Variants in EDIL3 observed in about 807,000 individuals in gnomAD.
The protein encoded by EDIL3 is EGF like and discoidin domains 3.
A neutral mutation model predicts 67.4 loss-of-function variants in EDIL3; 37 were observed. That is an observed-to-expected ratio of 0.55 (90% CI 0.42 to 0.72). EDIL3 has a LOEUF of 0.72. Among genes scored for constraint, EDIL3 ranks in the 30% least tolerant of loss-of-function variants. The probability of loss-of-function intolerance (pLI) is 0.00; values close to 1 mark genes in which losing one functional copy is unlikely to be tolerated. For missense variants in EDIL3, 527 were observed against 586.3 expected (o/e 0.90, Z 1.04); for synonymous variants, 195 against 196.3 (o/e 0.99, Z 0.05).
Position 84,151,821 on chromosome 5 carries a change from C to T in EDIL3, c.356-14467G>A, listed in dbSNP as rs117692937. ...TGAAGTACATTGATGTGTATGTTTT[C>T]TGTACTCCTATGATCTATTCAAGAG... is the stretch of plus-strand genomic sequence containing the variant. On this transcript the variant is annotated intron_variant, in intron 4 of 10. Transcript: ENST00000296591. Among the ~76,000 whole-genome samples the T allele has an allele frequency of 7.0e-3, 1,066 of 151,916 alleles. 17 individuals carry two copies. Among genetic ancestry groups the T allele is most frequent in the East Asian group, 0.037 (193 of 5,166 alleles).
chr5:84,327,259 T>G (rs1746781765), intron 1 of EDIL3, among the ~76,000 whole-genome samples: 3 of 152,010 alleles, frequency 2.0e-5, no homozygotes, highest in Non-Finnish European at 4.4e-5. Flanking sequence ...TTGACTCAAA[T>G]CTCACCATGC....
intron 2 of EDIL3, among the ~76,000 whole-genome samples, chr5:84,235,502 T>A (rs1354388831): frequency 6.6e-6 from 1 of 152,138 alleles, no homozygotes; most frequent in African/African-American, 2.4e-5. Context: ...GTAGTTAGCA[T>A]GTAAACATAT....
At chr5:84,112,045 A>T (rs914339649) in intron 5 of EDIL3, among the ~76,000 whole-genome samples, 1 of 152,144 alleles carries the variant, frequency 6.6e-6, no homozygotes, top group Non-Finnish European at 1.5e-5. Flanking sequence ...CAGTATCACT[A>T]GATCAAGATG....
At chr5:84,296,362 T>G (rs1049511006) in intron 1 of EDIL3, among the ~76,000 whole-genome samples, 8 of 152,184 alleles carry the variant, frequency 5.3e-5, no homozygotes, top group Non-Finnish European at 8.8e-5. Context: ...AAAGTTATAT[T>G]CTAGAATAAA....
At position 84,060,344 on chromosome 5, in the gene EDIL3, T is replaced by A. The variant is rs1561418610; in HGVS notation, c.1093A>T (p.Asn365Tyr). The A allele has an allele frequency of 6.2e-7, 1 of 1,613,890 alleles. No homozygotes were observed. Among genetic ancestry groups the A allele is most frequent in the Middle Eastern group, 1.7e-4 (1 of 6,046 alleles). ...TCATTGTGGCCAGAGGTCCAGGCATTCACTTTGCCTTGCTTGTCCAGCCGA... is the reference window on the plus strand; with the variant it reads ...TCATTGTGGCCAGAGGTCCAGGCATACACTTTGCCTTGCTTGTCCAGCCGA... ...KARLDKQGKV[N>Y]AWTSGHNDQS... The change falls in exon 9 of 11, where the codon AAT becomes TAT. Residue 365 changes from asparagine (N) to tyrosine (Y), a missense_variant. This residue lies in a region of EDIL3 where 494 missense variants were observed against 522.5 expected (regional missense o/e 0.95). Transcript: ENST00000296591.
intron 9 of EDIL3, among the ~76,000 whole-genome samples, chr5:84,051,295 C>T (rs1746332932): frequency 6.6e-6 from 1 of 152,184 alleles, no homozygotes; most frequent in Admixed American, 6.5e-5. Context: ...AGGACATCCA[C>T]ACCAAAACCC....
At chr5:84,089,147 C>T (rs1022358997) in intron 6 of EDIL3, among the ~76,000 whole-genome samples, 1 of 152,192 alleles carries the variant, frequency 6.6e-6, no homozygotes, top group Non-Finnish European at 1.5e-5. Flanking sequence ...GGATGTCACT[C>T]AACCTCCCAC....
intron 3 of EDIL3, chr5:84,181,070 A>T (rs1749004477): frequency 6.6e-6 from 1 of 152,226 alleles, no homozygotes; most frequent in African/African-American, 2.4e-5. Context: ...CAAAGCTTTT[A>T]TAGAGTATGA....
At chr5:84,285,356 A>G (rs889012999) in intron 1 of EDIL3, among the ~76,000 whole-genome samples, 1 of 152,220 alleles carries the variant, frequency 6.6e-6, no homozygotes, top group African/African-American at 2.4e-5. Context: ...TAGCCTTCAA[A>G]TGCTACTTTG....
chr5:83,940,721 G>A lies in EDIL3; in HGVS notation c.*2698C>T, dbSNP rs1249512491. 1 of 151,910 alleles carries A rather than the reference G, an allele frequency of 6.6e-6. No individual in the cohort carries two copies. Among genetic ancestry groups the A allele is most frequent in the African/African-American group, 2.4e-5 (1 of 41,420 alleles). The allele number at this position is 151,910 out of a possible 1,614,324, so 9.4% of individuals were successfully genotyped here. A position where few individuals can be genotyped will look rare whatever the true frequency, so the allele number is the denominator to read the frequency against. On this transcript the variant is annotated 3_prime_UTR_variant, in exon 11 of 11. Coordinates refer to ENST00000296591, the MANE Select transcript of EDIL3 (RefSeq NM_005711.5). Reference sequence around the variant, plus strand: ...CATTGGAATATTACACAGCTTGAAGGTTTGCAAAGGTTATTTGTGTCTTAG... The same window carrying A: ...CATTGGAATATTACACAGCTTGAAGATTTGCAAAGGTTATTTGTGTCTTAG...
At chr5:84,265,795 C>T (rs1745335884) in intron 1 of EDIL3, among the ~76,000 whole-genome samples, 1 of 152,162 alleles carries the variant, frequency 6.6e-6, no homozygotes, top group African/African-American at 2.4e-5. Flanking sequence ...GATTTAATGG[C>T]TATATGGCCA....
chr5:84,142,647 ATATC>A (rs1431708068), intron 4 of EDIL3, among the ~76,000 whole-genome samples: 1 of 152,010 alleles, frequency 6.6e-6, no homozygotes, highest in Non-Finnish European at 1.5e-5. Context: ...CTGGGGATAG[ATATC>A]TATCTAACCT....
intron 4 of EDIL3, among the ~76,000 whole-genome samples, chr5:84,141,739 T>C (rs937444215): frequency 6.7e-5 from 10 of 149,144 alleles, no homozygotes; most frequent in African/African-American, 2.4e-4. Flanking sequence ...TCATTGATTT[T>C]ATATGCATAA....
chr5:84,114,314 G>A (rs1254978632), intron 5 of EDIL3, among the ~76,000 whole-genome samples: 1 of 151,990 alleles, frequency 6.6e-6, no homozygotes, highest in Non-Finnish European at 1.5e-5. Flanking sequence ...GGGTGATTCG[G>A]GAACAGGGCC....
chr5:84,229,972 T>G (rs1452168862), intron 2 of EDIL3, 88 bp from the exon 3 acceptor site: 7 of 1,204,954 alleles, frequency 5.8e-6, no homozygotes, highest in Non-Finnish European at 8.3e-6. Flanking sequence ...GAAAAAGAGA[T>G]ATTGAGATTG....
At chr5:83,953,786 T>A (rs988906603) in intron 10 of EDIL3, among the ~76,000 whole-genome samples, 2 of 151,740 alleles carry the variant, frequency 1.3e-5, no homozygotes, top group African/African-American at 4.8e-5. Flanking sequence ...ATGCCAGAAG[T>A]TTTTTGATGA....
intron 3 of EDIL3, among the ~76,000 whole-genome samples, chr5:84,226,756 G>T (rs1744460080): frequency 6.6e-6 from 1 of 151,730 alleles, no homozygotes; most frequent in Non-Finnish European, 1.5e-5. Flanking sequence ...AAAAATCTAT[G>T]CTAAAATCAC....
chr5:83,965,007 T>G (rs1224870951), intron 9 of EDIL3, among the ~76,000 whole-genome samples: 1 of 152,052 alleles, frequency 6.6e-6, no homozygotes, highest in African/African-American at 2.4e-5. Flanking sequence ...AGATGAATAA[T>G]TTAATATCAA....
At chr5:84,373,269 A>C (rs1747893909) in intron 1 of EDIL3, among the ~76,000 whole-genome samples, 2 of 152,272 alleles carry the variant, frequency 1.3e-5, no homozygotes, top group South Asian at 4.1e-4. Context: ...AATAACCACA[A>C]AGATGATTTT....
Sources: allele counts gnomAD v4.1 joint callset (sites outside exome capture counted in the v4.1 genomes callset), GRCh38; gene constraint gnomAD v4.1.1; regional missense constraint gnomAD v4.1.1; transcripts MANE v1.5; gene names NCBI Gene and HGNC (gene_info 2026-07-23, HGNC 2026-07-21).